The following JMY variants were observed in gnomAD, a reference collection of about 807,000 sequenced individuals.
JMY encodes the protein junction mediating and regulatory protein, p53 cofactor.
In JMY, 46 loss-of-function variants were observed where a neutral mutation model predicts 103.3. That is an observed-to-expected ratio of 0.45 (90% CI 0.35 to 0.57). The LOEUF is 0.57. Ranked by LOEUF, JMY falls within the 20% of genes least tolerant of loss-of-function variation. The pLI is 0.00. For missense variants in JMY, 1,238 were observed against 1,255.2 expected (o/e 0.99, Z 0.21); for synonymous variants, 526 against 489.3 (o/e 1.07, Z -0.99).
chr5:79,241,165 T>G (rs530860175), intron 1 of JMY, among the ~76,000 whole-genome samples: 2 of 152,214 alleles, frequency 1.3e-5, no homozygotes, highest in African/African-American at 4.8e-5. Flanking sequence ...GTTGTTGAAC[T>G]TTTTTTTGTT....
In JMY at chr5:79,312,456, A is replaced by G; in HGVS notation, c.2022A>G (p.Gln674=). 1 of 1,586,856 alleles carries G rather than the reference A, an allele frequency of 6.3e-7. No homozygotes were observed. Among genetic ancestry groups the G allele is most frequent in the Non-Finnish European group, 8.6e-7 (1 of 1,169,390 alleles). The change falls in exon 8 of 11, where the codon CAA becomes CAG. Residue 674 remains glutamine, a synonymous_variant. Transcript: ENST00000396137. ...AAAGAAAAAGTGCCTGGGTTAGCCA[A>G]GAGAGACAGAGAACACTGGATAGAC... The part of the protein sequence containing the change: ...EEERKSAWVS[Q]ERQRTLDRLR...
chr5:79,243,616 G>A (rs1397860067), intron 1 of JMY, among the ~76,000 whole-genome samples: 1 of 152,140 alleles, frequency 6.6e-6, no homozygotes. Flanking sequence ...GTCTAACCAT[G>A]TTATACTCCC....
intron 1 of JMY, among the ~76,000 whole-genome samples, chr5:79,246,724 T>C (rs1199443100): frequency 6.6e-6 from 1 of 152,024 alleles, no homozygotes; most frequent in Non-Finnish European, 1.5e-5. Context: ...CTACTAAAAA[T>C]GCGAAAATTA....
intron 1 of JMY, among the ~76,000 whole-genome samples, chr5:79,244,065 ATCTCGGC>A (rs1370298786): frequency 2.8e-5 from 4 of 143,730 alleles, no homozygotes; most frequent in African/African-American, 1.0e-4. Context: ...CAGTGGTGTG[ATCTCGGC>A]TCACTGCAGC....
rs1747604035 is a variant in JMY at position 79,325,438 on chromosome 5, A to G, written c.*3836A>G. 1 of 152,218 alleles carries G rather than the reference A, an allele frequency of 6.6e-6. No homozygotes were observed. The highest frequency in any genetic ancestry group is 2.4e-5 in the African/African-American group (1 of 41,470). 9.4% of individuals were successfully genotyped at this position (152,218 alleles called of 1,614,324 possible). On this transcript the variant is annotated 3_prime_UTR_variant, in exon 11 of 11. Transcript: ENST00000396137. ...AATGCAGCCATTTGATAATGAAAGC[A>G]GAAACCTTAAGTTTTACCTAATTAT...
chr5:79,308,139 G>A lies in JMY; in HGVS notation c.1968+1678G>A, dbSNP rs555144606. Among the ~76,000 whole-genome samples the A allele has an allele frequency of 2.6e-5, 4 of 152,138 alleles. No individual in the cohort carries two copies. The East Asian group carries it at 7.7e-4, about 29-fold the overall frequency. ...ACTCCTTTATCAGATATGTCCCTTT[G>A]TTTTGCAAATATTTTCTCATGATCT... On this transcript the variant is annotated intron_variant, in intron 7 of 10. Coordinates refer to ENST00000396137, the MANE Select transcript of JMY (RefSeq NM_152405.5).
rs1345173250 is a variant in JMY at position 79,236,956 on chromosome 5, C to T, written c.306C>T (p.Pro102=). Reference sequence around the variant, plus strand: ...CCTCTGCAACTCTGGTTAGGAGCCCCGGGCCCCGGCGGAGCTCGGCCTGGG... The same window carrying T: ...CCTCTGCAACTCTGGTTAGGAGCCCTGGGCCCCGGCGGAGCTCGGCCTGGG... ...ATASATLVRS[P]GPRRSSAWAE... Residue 102 remains proline, a synonymous_variant, in exon 1 of 11, where the codon CCC becomes CCT. Transcript: ENST00000396137. The T allele has an allele frequency of 3.5e-6, 5 of 1,448,960 alleles. No homozygotes were observed. Among genetic ancestry groups the T allele is most frequent in the Non-Finnish European group, 4.5e-6 (5 of 1,103,438 alleles). The allele number at this position is 1,448,960 out of a possible 1,614,324, so 89.8% of individuals were successfully genotyped here.
chr5:79,269,978 G>A (rs191090916), intron 1 of JMY, among the ~76,000 whole-genome samples: 7 of 151,978 alleles, frequency 4.6e-5, no homozygotes, highest in Admixed American at 1.3e-4. Context: ...TGATTCTCCT[G>A]CCTCTGCCTC....
chr5:79,266,277 T>C (rs745324730), intron 1 of JMY, among the ~76,000 whole-genome samples: 4 of 152,202 alleles, frequency 2.6e-5, no homozygotes, highest in Non-Finnish European at 4.4e-5. Flanking sequence ...TGGTTCACCA[T>C]TGTGTCCCTA....
At chr5:79,263,785 G>T (rs868834099) in intron 1 of JMY, among the ~76,000 whole-genome samples, 6 of 151,568 alleles carry the variant, frequency 4.0e-5, no homozygotes, top group South Asian at 2.1e-4. Flanking sequence ...ATCCTGATGT[G>T]TGCCACCATG....
chr5:79,288,092 CTAAA>C (rs1746318221), intron 2 of JMY, among the ~76,000 whole-genome samples: 1 of 152,198 alleles, frequency 6.6e-6, no homozygotes, highest in South Asian at 2.1e-4. Flanking sequence ...AAGATGAAGT[CTAAA>C]TATGTCACTT....
intron 1 of JMY, among the ~76,000 whole-genome samples, chr5:79,258,649 C>G (rs1411332527): frequency 6.6e-6 from 1 of 152,094 alleles, no homozygotes; most frequent in African/African-American, 2.4e-5. Context: ...GCACCAGCTC[C>G]CTATGAGGCT....
intron 7 of JMY, 148 bp downstream of exon 7, chr5:79,306,609 G>T: frequency 1.6e-6 from 1 of 615,988 alleles, no homozygotes; most frequent in Non-Finnish European, 2.9e-6. Flanking sequence ...AGGCAAAATT[G>T]ATTGGAGAAT....
chr5:79,316,223 TG>T lies in JMY; in HGVS notation c.2884del (p.Glu962LysfsTer30), dbSNP rs1245818344. The T allele has an allele frequency of 6.2e-7, 1 of 1,613,688 alleles. No individual in the cohort carries two copies. Among genetic ancestry groups the T allele is most frequent in the Non-Finnish European group, 8.5e-7 (1 of 1,179,716 alleles). On this transcript the variant is annotated frameshift_variant, in exon 10 of 11. Coordinates refer to ENST00000396137, the MANE Select transcript of JMY (RefSeq NM_152405.5). LOFTEE classifies it high-confidence loss of function. ...DTDPLTRSIH[E>X]ALRRIKEASP... ...CAGACCCTCTAACACGGAGCATCCA[TG>T]AAGCTCTTAGAAGAATTAAAGAAGC...
chr5:79,273,445 CTTTTAT>C (rs1447741028), intron 1 of JMY, among the ~76,000 whole-genome samples: 1 of 152,146 alleles, frequency 6.6e-6, no homozygotes, highest in African/African-American at 2.4e-5. Flanking sequence ...AGGAATTTCT[CTTTTAT>C]TTTTGAGTTC....
rs1580381714 is a variant in JMY, at chr5:79,323,822, CAAAGAGT to C, written c.*2221_*2227del. On this transcript the variant is annotated 3_prime_UTR_variant, in exon 11 of 11. Coordinates refer to ENST00000396137, the MANE Select transcript of JMY (RefSeq NM_152405.5). ...GTGTGCTGTAATCATAAGTCTCTAG[CAAAGAGT>C]GGAGGGTGGAGGGTGTGTAGAACTC... 1 of 152,122 alleles carries C rather than the reference CAAAGAGT, an allele frequency of 6.6e-6. No individual in the cohort carries two copies. Among genetic ancestry groups the C allele is most frequent in the East Asian group, 1.9e-4 (1 of 5,190 alleles). The allele number at this position is 152,122 out of a possible 1,614,324, so 9.4% of individuals were successfully genotyped here.
At chr5:79,238,562 C>T (rs1344862860) in intron 1 of JMY, among the ~76,000 whole-genome samples, 1 of 151,898 alleles carries the variant, frequency 6.6e-6, no homozygotes, top group African/African-American at 2.4e-5. Flanking sequence ...GATACTACTA[C>T]ACGTAGTTTC....
chr5:79,258,317 T>G (rs796784302), intron 1 of JMY, among the ~76,000 whole-genome samples: 44 of 139,912 alleles, frequency 3.1e-4, no homozygotes, highest in South Asian at 2.6e-3. Context: ...TTTTGTTGTT[T>G]TTTTTTTTTT....
intron 1 of JMY, among the ~76,000 whole-genome samples, chr5:79,254,513 A>T (rs1328607547): frequency 1.3e-5 from 2 of 152,206 alleles, no homozygotes; most frequent in African/African-American, 4.8e-5. Context: ...AAAGTCTGCT[A>T]CCAGATGTAT....
Sources: gnomAD v4.1 joint callset for allele counts (sites outside exome capture counted in the v4.1 genomes callset) on GRCh38, gnomAD v4.1.1 for gene constraint, MANE v1.5 for transcripts, NCBI Gene and HGNC (gene_info 2026-07-23, HGNC 2026-07-21) for gene names.